The following RAPGEF6 variants were observed in gnomAD, a reference collection of about 807,000 sequenced individuals.
RAPGEF6 encodes the protein Rap guanine nucleotide exchange factor 6, also known as PDZ domain containing guanine nucleotide exchange factor (GEF) 2.
RAPGEF6 carries 56 observed loss-of-function variants against 171.4 expected under a neutral mutation model. The ratio of observed to expected loss-of-function variants is 0.33; its 90% CI spans 0.26 to 0.41. RAPGEF6 has a LOEUF of 0.41. Among genes scored for constraint, RAPGEF6 ranks in the 10% least tolerant of loss-of-function variants. RAPGEF6 has a pLI of 1.00. For missense variants in RAPGEF6, 1,674 were observed against 1,921.4 expected (o/e 0.87, Z 2.41); for synonymous variants, 692 against 650.1 (o/e 1.06, Z -0.98).
At chr5:131,450,094 G>A (rs1352734873) in intron 21 of RAPGEF6, 1 of 1,510,438 alleles carries the variant, frequency 6.6e-7, no homozygotes, top group Non-Finnish European at 8.9e-7. Context: ...GAATAGGAAA[G>A]CACAGAAAAA....
chr5:131,609,202 T>C (rs1260630516), intron 1 of RAPGEF6, among the ~76,000 whole-genome samples: 3 of 152,192 alleles, frequency 2.0e-5, no homozygotes, highest in Non-Finnish European at 4.4e-5. Context: ...GTCACCAGAA[T>C]TGTGAGCCAA....
intron 18 of RAPGEF6, among the ~76,000 whole-genome samples, chr5:131,462,428 T>C (rs1478699033): frequency 1.3e-5 from 2 of 152,244 alleles, no homozygotes; most frequent in African/African-American, 4.8e-5. Flanking sequence ...GGATTGGTAC[T>C]ATGTAAATAT....
intron 23 of RAPGEF6, 113 bp downstream of exon 23, chr5:131,442,236 T>C: frequency 9.8e-7 from 1 of 1,025,390 alleles, no homozygotes; most frequent in Middle Eastern, 2.6e-4. Flanking sequence ...AAAGTGACGA[T>C]TATATTACAC....
chr5:131,433,366 A>T, intron 25 of RAPGEF6, 64 bp downstream of exon 25: 1 of 1,429,848 alleles, frequency 7.0e-7, no homozygotes, highest in Admixed American at 1.7e-5. Context: ...CAAGGTGGGG[A>T]GCACTCCTTG....
chr5:131,579,264 C>G (rs755247177), intron 4 of RAPGEF6, among the ~76,000 whole-genome samples: 7 of 152,160 alleles, frequency 4.6e-5, no homozygotes, highest in Non-Finnish European at 1.0e-4. Flanking sequence ...TGTTAAAGCT[C>G]ATAAAGGCAG....
chr5:131,442,602 T>C, intron 22 of RAPGEF6, 65 bp from the exon 23 acceptor site: 2 of 1,565,558 alleles, frequency 1.3e-6, no homozygotes, highest in South Asian at 2.4e-5. Context: ...CCACTGGCAA[T>C]AATAAATGGT....
chr5:131,455,839 A>T lies in RAPGEF6; in HGVS notation c.3038T>A (p.Phe1013Tyr), dbSNP rs1297206830. 11 of 1,613,682 alleles carry T rather than the reference A, an allele frequency of 6.8e-6. No homozygotes were observed. The highest frequency in any genetic ancestry group is 1.7e-4 in the Middle Eastern group (1 of 5,994). ...QSMQPPIIPL[F>Y]PVVKKDMTFL... ...TGTCATATCTTTCTTGACAACAGGG[A>T]AGAGTGGAATAATTGGAGGCTGCAT... Residue 1013 changes from phenylalanine (F) to tyrosine (Y), a missense_variant, in exon 20 of 28, where the codon TTC becomes TAC. By Grantham distance (22) the Phe-to-Tyr change is conservative (BLOSUM62 3). Around this residue, in one of 3 missense-constraint regions of RAPGEF6, gnomAD observed 1,116 missense variants for 1,321.5 expected, o/e 0.84. Transcript: ENST00000509018.
chr5:131,557,866 G>A lies in RAPGEF6; in HGVS notation c.351+4112C>T, dbSNP rs562224106. ...CTGGAACTAAATTCAATGTAGTCAT[G>A]TTGTTTTATCCTCTGTATGTATTAC... On this transcript the variant is annotated intron_variant, in intron 5 of 27. Coordinates refer to ENST00000509018, the MANE Select transcript of RAPGEF6 (RefSeq NM_016340.6). Among the ~76,000 whole-genome samples, 6 of 152,218 alleles carry A rather than the reference G, an allele frequency of 3.9e-5. No individual in the cohort carries two copies. The East Asian group carries it at 1.2e-3, about 29-fold the overall frequency.
intron 3 of RAPGEF6, among the ~76,000 whole-genome samples, chr5:131,594,486 C>A (rs1763774357): frequency 6.6e-6 from 1 of 152,198 alleles, no homozygotes; most frequent in Non-Finnish European, 1.5e-5. Context: ...TAGGGCAGTG[C>A]AGAGGGAAAA....
At chr5:131,549,846 A>T (rs1286679009) in intron 5 of RAPGEF6, among the ~76,000 whole-genome samples, 1 of 151,816 alleles carries the variant, frequency 6.6e-6, no homozygotes, top group African/African-American at 2.4e-5. Flanking sequence ...CTATTAGTTA[A>T]TTTTCCTGAT....
At chr5:131,475,749 G>C (rs945592336) in intron 16 of RAPGEF6, among the ~76,000 whole-genome samples, 3 of 152,124 alleles carry the variant, frequency 2.0e-5, no homozygotes, top group Admixed American at 1.3e-4. Flanking sequence ...TAATTTTTAG[G>C]AACATTCTTT....
chr5:131,506,788 A>T (rs962601166), intron 9 of RAPGEF6, among the ~76,000 whole-genome samples: 1 of 152,136 alleles, frequency 6.6e-6, no homozygotes, highest in Non-Finnish European at 1.5e-5. Flanking sequence ...GAGAATGCAA[A>T]AACTTGTATA....
intron 4 of RAPGEF6, among the ~76,000 whole-genome samples, chr5:131,589,994 G>C (rs1191302335): frequency 1.3e-5 from 2 of 152,210 alleles, no homozygotes; most frequent in East Asian, 3.8e-4. Context: ...GAAGGGGTCT[G>C]TCTCCCTTTC....
intron 12 of RAPGEF6, among the ~76,000 whole-genome samples, chr5:131,497,027 G>A (rs557849018): frequency 7.2e-5 from 11 of 151,980 alleles, no homozygotes; most frequent in Non-Finnish European, 1.6e-4. Flanking sequence ...CGTTGGCAAT[G>A]TTTGTTACTT....
At chr5:131,557,356 C>T (rs1208396989) in intron 5 of RAPGEF6, among the ~76,000 whole-genome samples, 2 of 152,008 alleles carry the variant, frequency 1.3e-5, no homozygotes, top group African/African-American at 4.8e-5. Context: ...ATAAATGGTA[C>T]GTTTATAAAA....
At chr5:131,611,273 G>A (rs1452394098) in intron 1 of RAPGEF6, among the ~76,000 whole-genome samples, 2 of 152,168 alleles carry the variant, frequency 1.3e-5, no homozygotes, top group African/African-American at 2.4e-5. Context: ...GCTTCTAACA[G>A]AACCCAGACT....
At position 131,567,910 on chromosome 5, in the gene RAPGEF6, C is replaced by T. The variant is rs551525803; in HGVS notation, c.282-5863G>A. On this transcript the variant is annotated intron_variant, in intron 4 of 27. Coordinates refer to ENST00000509018, the MANE Select transcript of RAPGEF6 (RefSeq NM_016340.6). ...TATACAATAAAAATTGCTATGTATT[C>T]CTAATGTATTAATCCTTTTAACACT... Among the ~76,000 whole-genome samples the T allele has an allele frequency of 2.6e-4, 40 of 152,248 alleles. No homozygotes were observed. The South Asian group carries it at 2.9e-3, about 11-fold the overall frequency.
intron 8 of RAPGEF6, among the ~76,000 whole-genome samples, chr5:131,509,216 G>A (rs1461136418): frequency 1.3e-5 from 2 of 152,104 alleles, no homozygotes; most frequent in African/African-American, 4.8e-5. Context: ...AACTAGTTCT[G>A]TAAAATATTA....
In RAPGEF6 at chr5:131,563,488, A is replaced by G. The variant is rs112200840; in HGVS notation, c.282-1441T>C. On this transcript the variant is annotated intron_variant, in intron 4 of 27. Transcript: ENST00000509018. The stretch of plus-strand genomic sequence containing the variant: ...AATCCAAACAAAATAACTTTTGAAC[A>G]TAACCAAAAAATCACTTATGTTTTT... Among the ~76,000 whole-genome samples the G allele has an allele frequency of 1.8e-3, 274 of 152,298 alleles. 1 individual carries two copies. Among genetic ancestry groups the G allele is most frequent in the African/African-American group, 5.9e-3 (244 of 41,576 alleles).
Sources: allele counts gnomAD v4.1 joint callset (sites outside exome capture counted in the v4.1 genomes callset), GRCh38; gene constraint gnomAD v4.1.1; regional missense constraint gnomAD v4.1.1; transcripts MANE v1.5; gene names NCBI Gene and HGNC (gene_info 2026-07-23, HGNC 2026-07-21).